ZNF407: variants seen among roughly 807,000 people sequenced by gnomAD.
The protein encoded by ZNF407 is zinc finger protein 407.
Under a neutral mutation model 131.2 loss-of-function variants are expected in ZNF407, and 17 were observed. The observed-to-expected ratio is 0.13, with a 90% confidence interval of 0.09 to 0.19. ZNF407 has a LOEUF of 0.19. Among genes scored for constraint, ZNF407 ranks in the 10% least tolerant of loss-of-function variants. The pLI is 1.00. For synonymous variants in ZNF407, 1,156 were observed against 1,062.0 expected (o/e 1.09, Z -1.72); for missense variants, 2,681 against 2,830.6 (o/e 0.95, Z 1.20).
intron 3 of ZNF407, among the ~76,000 whole-genome samples, chr18:74,774,682 C>T (rs955518660): frequency 8.5e-5 from 13 of 152,086 alleles, no homozygotes; most frequent in South Asian, 8.3e-4. Context: ...ATAAAGAAAA[C>T]GAGGGTAGTT....
In ZNF407 at chr18:74,632,411, G is replaced by C. The variant is rs1397096642; in HGVS notation, c.1392G>C (p.Leu464Phe). The change falls in exon 2 of 9, where the codon TTG (leucine) becomes TTC (phenylalanine). Residue 464 changes from leucine to phenylalanine, a missense_variant. By Grantham distance (22) the Leu-to-Phe change is conservative (BLOSUM62 0). Transcript: ENST00000299687. ...CTCAGAGGATGTATATGAAACACTT[G>C]AGAACACAGATGAAAACACACGATG... ...SETQRMYMKH[L>F]RTQMKTHDAE... 2 of 1,613,914 alleles carry C rather than the reference G, an allele frequency of 1.2e-6. No homozygotes were observed. The highest frequency in any genetic ancestry group is 2.2e-5 in the East Asian group (1 of 44,902).
rs535907894 is a variant in ZNF407, at chr18:74,828,065, G to C, written c.4877+46563G>C. 3.3e-5 allele frequency among the ~76,000 whole-genome samples: 5 copies of C among 152,224 alleles called. No homozygotes were observed. The East Asian group carries it at 9.7e-4, about 29-fold the overall frequency. ...CTTCTCCTGGGCCTCCGCTGCTTCCGCACTGCCTTTCTGCTCCATTCTGTA... is the reference window on the plus strand; with the variant it reads ...CTTCTCCTGGGCCTCCGCTGCTTCCCCACTGCCTTTCTGCTCCATTCTGTA... On this transcript the variant is annotated intron_variant, in intron 4 of 8. Coordinates refer to ENST00000299687, the MANE Select transcript of ZNF407 (RefSeq NM_017757.3).
rs188640952 is a variant in ZNF407 at position 74,640,254 on chromosome 18, C to T, written c.4688-754C>T. Among the ~76,000 whole-genome samples, 208 of 152,098 alleles carry T rather than the reference C, an allele frequency of 1.4e-3. 2 individuals carry two copies. Among genetic ancestry groups the T allele is most frequent in the African/African-American group, 4.9e-3 (204 of 41,530 alleles). The stretch of plus-strand genomic sequence containing the variant: ...CTAAGTGTGTAGACTTTGAAATAAT[C>T]TTATTTTCTCATTTTTGAGTATAGT... On this transcript the variant is annotated intron_variant, in intron 2 of 8. Transcript: ENST00000299687.
intron 1 of ZNF407, among the ~76,000 whole-genome samples, chr18:74,622,797 T>C (rs564213037): frequency 1.1e-3 from 174 of 151,976 alleles, no homozygotes; most frequent in African/African-American, 3.9e-3. Flanking sequence ...TGTGTCTGTG[T>C]CTGAATTTGT....
chr18:74,798,673 A>G (rs1484073922), intron 4 of ZNF407, among the ~76,000 whole-genome samples: 1 of 152,128 alleles, frequency 6.6e-6, no homozygotes, highest in Non-Finnish European at 1.5e-5. Flanking sequence ...TTATTAATTT[A>G]TGACAAACTT....
At chr18:74,937,906 G>T (rs2145264205) in intron 8 of ZNF407, among the ~76,000 whole-genome samples, 1 of 152,194 alleles carries the variant, frequency 6.6e-6, no homozygotes, top group African/African-American at 2.4e-5. Context: ...TATATACCAT[G>T]GGAAAAGGTG....
intron 4 of ZNF407, among the ~76,000 whole-genome samples, chr18:74,833,021 G>A (rs896996153): frequency 1.3e-5 from 2 of 152,212 alleles, no homozygotes; most frequent in African/African-American, 4.8e-5. Context: ...CCATGATCAC[G>A]AACACAAGCT....
chr18:75,044,930 T>C (rs1488534784), intron 8 of ZNF407, among the ~76,000 whole-genome samples: 1 of 152,202 alleles, frequency 6.6e-6, no homozygotes, highest in Non-Finnish European at 1.5e-5. Flanking sequence ...TTAAACACGT[T>C]GGTGCAAATT....
At chr18:74,652,100 G>A (rs1431867529) in intron 3 of ZNF407, among the ~76,000 whole-genome samples, 1 of 152,054 alleles carries the variant, frequency 6.6e-6, no homozygotes. Flanking sequence ...TTCCATTCAA[G>A]TACAGTATAG....
intron 1 of ZNF407, among the ~76,000 whole-genome samples, chr18:74,624,322 C>T (rs1055114551): frequency 2.0e-5 from 3 of 152,148 alleles, no homozygotes; most frequent in Non-Finnish European, 4.4e-5. Context: ...AAGACCCGTT[C>T]CGGCTCTGTT....
chr18:74,716,442 G>T (rs1271525801), intron 3 of ZNF407, among the ~76,000 whole-genome samples: 1 of 152,162 alleles, frequency 6.6e-6, no homozygotes, highest in Non-Finnish European at 1.5e-5. Context: ...ATTTATTAAT[G>T]GAGGCGGGTT....
intron 8 of ZNF407, chr18:74,921,044 G>A: frequency 1.0e-6 from 1 of 967,768 alleles, no homozygotes; most frequent in Non-Finnish European, 1.2e-6. Flanking sequence ...CTTAAAAAAT[G>A]CTTGTGATTT....
intron 1 of ZNF407, among the ~76,000 whole-genome samples, chr18:74,625,972 C>A (rs2144649575): frequency 6.6e-6 from 1 of 152,306 alleles, no homozygotes; most frequent in South Asian, 2.1e-4. Flanking sequence ...TTTAAAACTT[C>A]TGTTTATCAA....
At chr18:74,620,363 G>A (rs1393714035) in intron 1 of ZNF407, among the ~76,000 whole-genome samples, 1 of 152,166 alleles carries the variant, frequency 6.6e-6, no homozygotes, top group Non-Finnish European at 1.5e-5. Context: ...CTGGCTGGGT[G>A]GAAGTCTTTG....
At chr18:74,766,541 A>G (rs1969238091) in intron 3 of ZNF407, among the ~76,000 whole-genome samples, 1 of 152,204 alleles carries the variant, frequency 6.6e-6, no homozygotes, top group African/African-American at 2.4e-5. Flanking sequence ...TTTCTTAACC[A>G]GCTACATCTA....
chr18:75,062,734 T>C (rs1973651802), intron 8 of ZNF407: 1 of 160,836 alleles, frequency 6.2e-6, no homozygotes, highest in South Asian at 2.0e-4. Context: ...AAAAAGATTT[T>C]CCGTTGGGTT....
chr18:74,949,781 G>A (rs535489116), intron 8 of ZNF407, among the ~76,000 whole-genome samples: 74 of 152,198 alleles, frequency 4.9e-4, no homozygotes, highest in African/African-American at 1.7e-3. Flanking sequence ...TGACTCTGCC[G>A]AGGTGCCACA....
intron 1 of ZNF407, among the ~76,000 whole-genome samples, chr18:74,606,581 T>C (rs1982818455): frequency 1.3e-5 from 2 of 152,218 alleles, no homozygotes; most frequent in South Asian, 4.1e-4. Flanking sequence ...TTTTCATACT[T>C]GTTTTATTTC....
intron 8 of ZNF407, among the ~76,000 whole-genome samples, chr18:75,002,528 C>A (rs1219524787): frequency 6.6e-6 from 1 of 152,096 alleles, no homozygotes; most frequent in Admixed American, 6.5e-5. Flanking sequence ...CAGGGCCGGG[C>A]GCGGTGGCTG....
Sources: allele counts gnomAD v4.1 joint callset (sites outside exome capture counted in the v4.1 genomes callset), GRCh38; gene constraint gnomAD v4.1.1; transcripts MANE v1.5; gene names NCBI Gene and HGNC (gene_info 2026-07-23, HGNC 2026-07-21).